RASGRP3: variants seen among roughly 807,000 people sequenced by gnomAD.
RASGRP3 encodes the protein ras guanyl-releasing protein 3.
In RASGRP3, 54 loss-of-function variants were observed where a neutral mutation model predicts 82.7. That is an observed-to-expected ratio of 0.65 (90% CI 0.52 to 0.82). RASGRP3 has a LOEUF of 0.82. Ranked by LOEUF, RASGRP3 falls within the 40% of genes least tolerant of loss-of-function variation. The pLI is 0.00. For synonymous variants in RASGRP3, 309 were observed against 300.5 expected (o/e 1.03, Z -0.29); for missense variants, 861 against 828.9 (o/e 1.04, Z -0.48).
chr2:33,500,332 G>A (rs1308923101), intron 1 of RASGRP3, among the ~76,000 whole-genome samples: 1 of 152,152 alleles, frequency 6.6e-6, no homozygotes, highest in Non-Finnish European at 1.5e-5. Flanking sequence ...TGGAAAGATT[G>A]ATTTGGGCCC....
At chr2:33,459,998 A>G (rs1359207791) in intron 2 of RASGRP3, among the ~76,000 whole-genome samples, 1 of 152,218 alleles carries the variant, frequency 6.6e-6, no homozygotes, top group Non-Finnish European at 1.5e-5. Context: ...ATGTTTGTCA[A>G]TTGTAAATGA....
intron 2 of RASGRP3, among the ~76,000 whole-genome samples, chr2:33,459,520 A>G (rs1419125844): frequency 2.0e-5 from 3 of 152,116 alleles, no homozygotes; most frequent in East Asian, 3.8e-4. Context: ...AGGTAAACAA[A>G]GCCAAACACT....
At chr2:33,555,707 C>T in intron 15 of RASGRP3, 140 bp downstream of exon 15, 1 of 719,950 alleles carries the variant, frequency 1.4e-6, no homozygotes, top group Admixed American at 2.6e-5. Context: ...AGAATGATTG[C>T]CTCTGAGGAG....
At chr2:33,549,822 G>T in intron 14 of RASGRP3, 71 bp downstream of exon 14, 1 of 1,492,852 alleles carries the variant, frequency 6.7e-7, no homozygotes, top group Non-Finnish European at 9.1e-7. Flanking sequence ...GTAGGAAAAT[G>T]ATACACTAAA....
Position 33,562,841 on chromosome 2 carries a change from A to G in RASGRP3, c.*104A>G. On this transcript the variant is annotated 3_prime_UTR_variant, in exon 18 of 18. Coordinates refer to ENST00000403687, the MANE Select transcript of RASGRP3 (RefSeq NM_001139488.2). The stretch of plus-strand genomic sequence containing the variant: ...CTCTCAGGAAGTTATCTGGAAAGAT[A>G]CCTGGATGTTTACTGCCTTGGGACA... 6.9e-7 allele frequency: 1 copy of G among 1,448,372 alleles called. No individual in the cohort carries two copies. The highest frequency in any genetic ancestry group is 9.6e-7 in the Non-Finnish European group (1 of 1,039,850). 89.7% of individuals were successfully genotyped at this position (1,448,372 alleles called of 1,614,324 possible). A position where few individuals can be genotyped will look rare whatever the true frequency, so the allele number is the denominator to read the frequency against.
At chr2:33,525,699 CAAAAAAA>C (rs1167570668) in intron 9 of RASGRP3, among the ~76,000 whole-genome samples, 36 of 54,404 alleles carry the variant, frequency 6.6e-4, no homozygotes, top group East Asian at 3.5e-3. Flanking sequence ...CCTGTCTCTA[CAAAAAAA>C]AAAAAAAAAA....
At chr2:33,450,082 C>T (rs540116702) in intron 2 of RASGRP3, among the ~76,000 whole-genome samples, 24 of 152,184 alleles carry the variant, frequency 1.6e-4, no homozygotes, top group African/African-American at 5.3e-4. Flanking sequence ...CTTTTCTTAT[C>T]GTTATTTCCA....
In RASGRP3 at chr2:33,520,590, G is replaced by A; in HGVS notation, c.274G>A (p.Asp92Asn). 1.2e-6 allele frequency: 2 copies of A among 1,613,966 alleles called. No homozygotes were observed. The highest frequency in any genetic ancestry group is 1.7e-6 in the Non-Finnish European group (2 of 1,179,856). ...GAAGTTTCCTGCAGAGTTTAATTTG[G>A]ATCTTGGTTTGATTCGTATGACTGA... ...ILKFPAEFNL[D>N]LGLIRMTEEF... Residue 92 changes from aspartate to asparagine, a missense_variant, in exon 6 of 18, where the codon GAT becomes AAT. By Grantham distance (23) the Asp-to-Asn change is conservative. Transcript: ENST00000403687.
Position 33,522,062 on chromosome 2 carries a change from A to C in RASGRP3, c.476A>C (p.His159Pro). 6.2e-7 allele frequency: 1 copy of C among 1,612,676 alleles called. No homozygotes were observed. Among genetic ancestry groups the C allele is most frequent in the Non-Finnish European group, 8.5e-7 (1 of 1,179,584 alleles). ...DHLEPIELAEHLTFLEHKSFR... is the reference protein window; with the variant it reads ...DHLEPIELAEPLTFLEHKSFR... ...CTGGAGCCCATTGAATTGGCTGAGC[A>C]CCTCACTTTTCTGGAGCATAAATCT... Residue 159 changes from histidine to proline, a missense_variant, in exon 7 of 18, where the codon CAC (histidine) becomes CCC (proline). Transcript: ENST00000403687.
intron 1 of RASGRP3, among the ~76,000 whole-genome samples, chr2:33,487,196 A>G (rs964524489): frequency 7.9e-5 from 12 of 152,246 alleles, no homozygotes; most frequent in Non-Finnish European, 1.3e-4. Context: ...TCATTCAGAC[A>G]TGCAAAATAA....
chr2:33,441,094 T>C (rs907398079), intron 1 of RASGRP3, among the ~76,000 whole-genome samples: 1 of 152,288 alleles, frequency 6.6e-6, no homozygotes, highest in African/African-American at 2.4e-5. Context: ...GGTTTCACCA[T>C]GTTGCCAAGT....
chr2:33,454,861 G>C (rs1196630531), intron 2 of RASGRP3, among the ~76,000 whole-genome samples: 2 of 152,150 alleles, frequency 1.3e-5, no homozygotes, highest in African/African-American at 4.8e-5. Flanking sequence ...AGGATTTTCT[G>C]GTTCTATGTC....
chr2:33,524,004 C>A lies in RASGRP3; in HGVS notation c.642C>A (p.Thr214=), dbSNP rs763084336. 5 of 1,613,792 alleles carry A rather than the reference C, an allele frequency of 3.1e-6. No homozygotes were observed. Among genetic ancestry groups the A allele is most frequent in the South Asian group, 2.2e-5 (2 of 91,066 alleles). Residue 214 remains threonine (T), a synonymous_variant, in exon 8 of 18, where the codon ACC becomes ACA. Transcript: ENST00000403687. ...AGTTGATGGTTCTTAGCAAACCAAC[C>A]CCCCAGCAAAGGGCAGAAGTCATCA... ...WVQLMVLSKP[T]PQQRAEVITK...
chr2:33,548,224 A>G (rs1389784754), intron 13 of RASGRP3, among the ~76,000 whole-genome samples: 3 of 151,658 alleles, frequency 2.0e-5, no homozygotes, highest in Non-Finnish European at 3.0e-5. Context: ...AGCTGGGCGC[A>G]GTGGCGGGCG....
chr2:33,549,670 T>G lies in RASGRP3; in HGVS notation c.1461T>G (p.Cys487Trp). 1.2e-6 allele frequency: 2 copies of G among 1,613,600 alleles called. No individual in the cohort carries two copies. The highest frequency in any genetic ancestry group is 1.1e-5 in the South Asian group (1 of 91,042). ...YFLRAKSQLH[C>W]KMGPGFIHNF... ...TGAGAGCTAAATCCCAACTACACTG[T>G]AAAATGGGACCAGGATTTATCCATA... The change falls in exon 14 of 18, where the codon TGT (cysteine) becomes TGG (tryptophan). Residue 487 changes from cysteine (C) to tryptophan (W), a missense_variant. Physicochemically the swap from Cys to Trp is radical, Grantham distance 215. Coordinates refer to ENST00000403687, the MANE Select transcript of RASGRP3 (RefSeq NM_001139488.2).
chr2:33,519,092 TCA>T (rs1671747774), intron 4 of RASGRP3, among the ~76,000 whole-genome samples: 1 of 152,204 alleles, frequency 6.6e-6, no homozygotes, highest in Non-Finnish European at 1.5e-5. Flanking sequence ...TTTATATGAC[TCA>T]CACAACAGCA....
At chr2:33,442,155 A>G (rs1036861376) in intron 1 of RASGRP3, among the ~76,000 whole-genome samples, 11 of 152,186 alleles carry the variant, frequency 7.2e-5, no homozygotes, top group African/African-American at 2.7e-4. Flanking sequence ...ACTGTTAACA[A>G]TAGAAATTTC....
chr2:33,562,267 CTT>C (rs71409631), intron 17 of RASGRP3, among the ~76,000 whole-genome samples: 2 of 127,060 alleles, frequency 1.6e-5, no homozygotes, highest in African/African-American at 3.0e-5. Context: ...ATCTCTCTCT[CTT>C]TTTTTTTTTT....
intron 14 of RASGRP3, among the ~76,000 whole-genome samples, chr2:33,551,141 C>T (rs1224414119): frequency 2.0e-5 from 3 of 152,190 alleles, no homozygotes; most frequent in East Asian, 1.9e-4. Context: ...GGTGAAAACC[C>T]GTCTCTACCA....
Sources: allele counts gnomAD v4.1 joint callset (sites outside exome capture counted in the v4.1 genomes callset), GRCh38; gene constraint gnomAD v4.1.1; transcripts MANE v1.5; gene names NCBI Gene and HGNC (gene_info 2026-07-23, HGNC 2026-07-21).